The following NSUN6 variants were observed in gnomAD, a reference collection of about 807,000 sequenced individuals.
The protein encoded by NSUN6 is NOP2/Sun RNA methyltransferase 6.
NSUN6 carries 64 observed loss-of-function variants against 58.0 expected under a neutral mutation model. The observed-to-expected ratio is 1.10, with a 90% CI of 0.90 to 1.36. NSUN6 has a LOEUF of 1.36. Ranked by LOEUF, NSUN6 falls within the 40% of genes most tolerant of loss-of-function variation. The pLI is 0.00. For missense variants in NSUN6, 701 were observed against 550.1 expected, an observed-to-expected ratio of 1.27 and a Z score of -2.74; for synonymous variants, 231 against 193.9, an observed-to-expected ratio of 1.19 and a Z score of -1.59.
chr10:18,576,240 T>C (rs1037073051), intron 8 of NSUN6, among the ~76,000 whole-genome samples: 1 of 152,120 alleles, frequency 6.6e-6, no homozygotes, highest in African/African-American at 2.4e-5. Context: ...AACTACTGCA[T>C]TTGATGCTTG....
At chr10:18,576,028 C>T (rs903604314) in intron 8 of NSUN6, among the ~76,000 whole-genome samples, 4 of 152,044 alleles carry the variant, frequency 2.6e-5, no homozygotes, top group Non-Finnish European at 5.9e-5. Flanking sequence ...AACCACAGTC[C>T]GTACAGCTGA....
chr10:18,606,357 C>T (rs1389097563), intron 6 of NSUN6, among the ~76,000 whole-genome samples: 1 of 146,300 alleles, frequency 6.8e-6, no homozygotes, highest in African/African-American at 2.6e-5. Context: ...ACCTTAGTCT[C>T]AAAACTGTCA....
intron 3 of NSUN6, among the ~76,000 whole-genome samples, chr10:18,624,506 A>T (rs185423412): frequency 6.6e-6 from 1 of 151,556 alleles, no homozygotes. Context: ...CAAAAAAAAA[A>T]TTAGCCGGGC....
chr10:18,563,616 T>TATTCC (rs1187332385), intron 8 of NSUN6, among the ~76,000 whole-genome samples: 5 of 150,512 alleles, frequency 3.3e-5, no homozygotes, highest in South Asian at 4.2e-4. Context: ...TTGCTTTTTC[T>TATTCC]ATTCCATTCC....
At chr10:18,610,343 C>G (rs185560079) in intron 5 of NSUN6, among the ~76,000 whole-genome samples, 1 of 151,450 alleles carries the variant, frequency 6.6e-6, no homozygotes, top group African/African-American at 2.4e-5. Flanking sequence ...AGTGAAACTC[C>G]GTCTCAAAAA....
At chr10:18,548,274 G>T in intron 9 of NSUN6, 37 bp from the exon 10 acceptor site, 2 of 1,562,088 alleles carry the variant, frequency 1.3e-6, no homozygotes, top group Admixed American at 1.9e-5. Context: ...CACAGCACAA[G>T]ACCAGATAAA....
chr10:18,592,608 C>A (rs1011211663), intron 7 of NSUN6, among the ~76,000 whole-genome samples: 1 of 152,128 alleles, frequency 6.6e-6, no homozygotes, highest in Admixed American at 6.6e-5. Context: ...CAAAAACAAG[C>A]AATGGTGAAA....
intron 8 of NSUN6, among the ~76,000 whole-genome samples, chr10:18,576,946 C>T (rs1471097793): frequency 6.6e-6 from 1 of 152,204 alleles, no homozygotes; most frequent in East Asian, 1.9e-4. Flanking sequence ...CTTCAACTCT[C>T]ATGTCTATTT....
chr10:18,625,170 T>C (rs2058747753), intron 3 of NSUN6, among the ~76,000 whole-genome samples: 1 of 152,176 alleles, frequency 6.6e-6, no homozygotes, highest in South Asian at 2.1e-4. Context: ...TTTGCTTCTG[T>C]ATGCTTTCAT....
At chr10:18,632,956 C>T (rs1564830395) in intron 3 of NSUN6, among the ~76,000 whole-genome samples, 2 of 152,052 alleles carry the variant, frequency 1.3e-5, no homozygotes, top group Admixed American at 6.6e-5. Flanking sequence ...CACGTGCACC[C>T]GTATGTTTAT....
chr10:18,584,587 CA>C (rs2057044552), intron 8 of NSUN6, among the ~76,000 whole-genome samples: 2 of 151,674 alleles, frequency 1.3e-5, no homozygotes, highest in Non-Finnish European at 2.9e-5. Context: ...TAGGTAGTCC[CA>C]AAAGGAAAGC....
intron 8 of NSUN6, among the ~76,000 whole-genome samples, chr10:18,577,885 C>T (rs1370104137): frequency 6.6e-6 from 1 of 152,178 alleles, no homozygotes; most frequent in Non-Finnish European, 1.5e-5. Context: ...ATTAGTTTAG[C>T]CTGTGTGGTC....
intron 8 of NSUN6, among the ~76,000 whole-genome samples, chr10:18,561,258 C>T (rs1400471872): frequency 1.7e-5 from 1 of 58,342 alleles, no homozygotes; most frequent in African/African-American, 6.5e-5. Context: ...CAGTGGTGAA[C>T]AGAATGGAAT....
intron 8 of NSUN6, 35 bp from the exon 9 acceptor site, chr10:18,552,006 C>T: frequency 7.3e-7 from 1 of 1,362,588 alleles, no homozygotes. Context: ...TTACTATCTT[C>T]CATATAGGTT....
At chr10:18,559,765 G>T (rs917780988) in intron 8 of NSUN6, among the ~76,000 whole-genome samples, 1 of 151,496 alleles carries the variant, frequency 6.6e-6, no homozygotes. Flanking sequence ...GAATGGAAGG[G>T]AATGGAATGC....
intron 8 of NSUN6, among the ~76,000 whole-genome samples, chr10:18,583,798 G>A (rs1205346894): frequency 6.6e-6 from 1 of 152,182 alleles, no homozygotes; most frequent in Non-Finnish European, 1.5e-5. Context: ...CTTGAAGACA[G>A]ATGAATATAG....
intron 8 of NSUN6, among the ~76,000 whole-genome samples, chr10:18,572,538 CCATTT>C (rs745903322): frequency 5.0e-4 from 48 of 95,954 alleles, no homozygotes; most frequent in Admixed American, 2.8e-3. Flanking sequence ...CTATTCCATT[CCATTT>C]TCCATTCCAT....
intron 3 of NSUN6, among the ~76,000 whole-genome samples, chr10:18,629,395 CACATA>C (rs1439332982): frequency 1.3e-5 from 2 of 151,916 alleles, no homozygotes; most frequent in East Asian, 3.9e-4. Context: ...ATCAAATTCA[CACATA>C]ACAATATTAA....
chr10:18,551,244 T>TTGTGTGTGTG (rs35396134), intron 9 of NSUN6, among the ~76,000 whole-genome samples: 8,993 of 127,024 alleles, frequency 0.071, 449 homozygotes, highest in East Asian at 0.11. Context: ...GTCCTCTCAG[T>TTGTGTGTGTG]TGTGTGTGTG....
Sources: gnomAD v4.1 joint callset for allele counts (sites outside exome capture counted in the v4.1 genomes callset) on GRCh38, gnomAD v4.1.1 for gene constraint, MANE v1.5 for transcripts, NCBI Gene and HGNC (gene_info 2026-07-23, HGNC 2026-07-21) for gene names.